Variants in PDZRN4 observed in about 807,000 individuals in gnomAD.
PDZRN4 encodes PDZ domain-containing RING finger protein 4.
A neutral mutation model predicts 99.0 loss-of-function variants in PDZRN4; 70 were observed. That is an observed-to-expected ratio of 0.71 (90% CI 0.58 to 0.86). The LOEUF (loss-of-function observed/expected upper bound fraction) is 0.86, where lower values mean the gene tolerates loss of function less well. PDZRN4 is among the 40% of genes least tolerant of loss of function. The probability of loss-of-function intolerance (pLI) is 0.00; values close to 1 mark genes in which losing one functional copy is unlikely to be tolerated. For missense variants in PDZRN4, 1,474 were observed against 1,331.2 expected, an observed-to-expected ratio of 1.11 and a Z score of -1.67; for synonymous variants, 551 against 501.6, an observed-to-expected ratio of 1.10 and a Z score of -1.32.
Position 41,489,674 on chromosome 12 carries a change from G to GT in PDZRN4, c.844-16767dup, listed in dbSNP as rs34309822. Among the ~76,000 whole-genome samples, 717 of 144,864 alleles carry GT rather than the reference G, an allele frequency of 4.9e-3. 2 individuals are homozygous for GT. Among genetic ancestry groups the GT allele is most frequent in the East Asian group, 5.6e-3 (28 of 4,968 alleles). On this transcript the variant is annotated intron_variant, in intron 3 of 9. Transcript: ENST00000402685. ...TTAAATATTTTACTGAGATTTCCAG[G>GT]TTTTTTTTTTTTTTTCCAAAAGAGA...
At chr12:41,200,768 A>C (rs1017061539) in intron 3 of PDZRN4, among the ~76,000 whole-genome samples, 2 of 152,130 alleles carry the variant, frequency 1.3e-5, no homozygotes, top group South Asian at 4.2e-4. Flanking sequence ...TCTTCCTTTC[A>C]ATCATCCTGG....
chr12:41,572,605 G>C lies in PDZRN4; in HGVS notation c.1826G>C (p.Gly609Ala). 6.2e-7 allele frequency: 1 copy of C among 1,614,158 alleles called. No homozygotes were observed. The highest frequency in any genetic ancestry group is 1.1e-5 in the South Asian group (1 of 91,086). Residue 609 changes from glycine (G) to alanine (A), a missense_variant, in exon 10 of 10, where the codon GGT becomes GCT. Physicochemically the swap from Gly to Ala is moderately conservative, Grantham distance 60 (BLOSUM62 0). Coordinates refer to ENST00000402685, the MANE Select transcript of PDZRN4 (RefSeq NM_001164595.2). Reference protein sequence around the residue: ...ELQYNESLVSGEYIDSDCIGN... With the variant: ...ELQYNESLVSAEYIDSDCIGN... ...CAGTACAATGAGAGCCTCGTATCTGGTGAATACATTGACTCAGACTGCATT... is the reference window on the plus strand; with the variant it reads ...CAGTACAATGAGAGCCTCGTATCTGCTGAATACATTGACTCAGACTGCATT...
chr12:41,547,436 G>C (rs890945579), intron 5 of PDZRN4, among the ~76,000 whole-genome samples: 5 of 152,016 alleles, frequency 3.3e-5, no homozygotes, highest in Non-Finnish European at 7.4e-5. Context: ...GACCAACCTG[G>C]CCAACATGGT....
intron 7 of PDZRN4, among the ~76,000 whole-genome samples, chr12:41,561,267 T>G (rs1592113251): frequency 6.6e-6 from 1 of 152,302 alleles, no homozygotes; most frequent in African/African-American, 2.4e-5. Flanking sequence ...ATTTGCTTTA[T>G]TTAGCACGAA....
chr12:41,301,996 A>G (rs980658833), intron 3 of PDZRN4, among the ~76,000 whole-genome samples: 24 of 152,120 alleles, frequency 1.6e-4, no homozygotes, highest in Admixed American at 1.5e-3. Flanking sequence ...ATAATATAGT[A>G]TTGGTTAAAT....
At chr12:41,437,691 G>T (rs778999751) in intron 3 of PDZRN4, 35 of 1,343,208 alleles carry the variant, frequency 2.6e-5, no homozygotes, top group Non-Finnish European at 3.1e-5. Flanking sequence ...AGACGGGGGA[G>T]TGTTGCCATG....
chr12:41,542,157 T>C (rs964415600), intron 5 of PDZRN4, among the ~76,000 whole-genome samples: 2 of 152,224 alleles, frequency 1.3e-5, no homozygotes, highest in African/African-American at 4.8e-5. Flanking sequence ...AAGAAGGTTG[T>C]TAACACTCTC....
At chr12:41,561,003 G>A (rs1939260536) in intron 7 of PDZRN4, among the ~76,000 whole-genome samples, 1 of 152,166 alleles carries the variant, frequency 6.6e-6, no homozygotes, top group Admixed American at 6.6e-5. Flanking sequence ...GAAGGTAGAA[G>A]TGTTTCTGCA....
chr12:41,565,153 C>T (rs964331911), intron 8 of PDZRN4, among the ~76,000 whole-genome samples: 1 of 152,070 alleles, frequency 6.6e-6, no homozygotes, highest in South Asian at 2.1e-4. Flanking sequence ...ACACTTCTGA[C>T]CTTTTTCTCC....
intron 3 of PDZRN4, among the ~76,000 whole-genome samples, chr12:41,415,746 A>G (rs1206141030): frequency 6.6e-6 from 1 of 152,066 alleles, no homozygotes; most frequent in Non-Finnish European, 1.5e-5. Flanking sequence ...CAACCTTAAC[A>G]TTGAGTTACA....
intron 3 of PDZRN4, among the ~76,000 whole-genome samples, chr12:41,233,402 C>T (rs4633522): frequency 0.67 from 101,564 of 151,908 alleles, 34,080 homozygotes; most frequent in South Asian, 0.73. Flanking sequence ...GATCGAGAAC[C>T]AGAAATACCA....
rs186556823 is a variant in PDZRN4 at position 41,235,125 on chromosome 12, A to G, written c.843+40937A>G. Among the ~76,000 whole-genome samples the G allele has an allele frequency of 1.5e-3, 224 of 152,274 alleles. 2 individuals carry two copies. The highest frequency in any genetic ancestry group is 2.3e-3 in the Non-Finnish European group (158 of 68,026). On this transcript the variant is annotated intron_variant, in intron 3 of 9. Coordinates refer to ENST00000402685, the MANE Select transcript of PDZRN4 (RefSeq NM_001164595.2). Reference sequence around the variant, plus strand: ...CGTCTGTCTTATCAATTATAAAGTAAGAATTAAAGAATACTGGTTTGGAGA... The same window carrying G: ...CGTCTGTCTTATCAATTATAAAGTAGGAATTAAAGAATACTGGTTTGGAGA...
intron 3 of PDZRN4, among the ~76,000 whole-genome samples, chr12:41,433,681 A>AT (rs1344372996): frequency 6.6e-6 from 1 of 152,228 alleles, no homozygotes; most frequent in Non-Finnish European, 1.5e-5. Context: ...TGCAAAAGGC[A>AT]TAAGCAAGCC....
At chr12:41,363,371 G>A (rs1295157236) in intron 3 of PDZRN4, among the ~76,000 whole-genome samples, 1 of 152,028 alleles carries the variant, frequency 6.6e-6, no homozygotes, top group African/African-American at 2.4e-5. Context: ...ATATGATAGT[G>A]ATTCCTTAAG....
At chr12:41,330,355 C>G (rs915455059) in intron 3 of PDZRN4, among the ~76,000 whole-genome samples, 1 of 152,026 alleles carries the variant, frequency 6.6e-6, no homozygotes, top group African/African-American at 2.4e-5. Flanking sequence ...AGCTCTTGAA[C>G]CACCTGACCT....
intron 5 of PDZRN4, among the ~76,000 whole-genome samples, chr12:41,537,056 G>A (rs570393930): frequency 1.3e-4 from 20 of 152,240 alleles, no homozygotes; most frequent in Non-Finnish European, 2.6e-4. Context: ...GTCCTAGCAG[G>A]CCCTTATACT....
At chr12:41,570,092 C>T (rs558672771) in intron 9 of PDZRN4, among the ~76,000 whole-genome samples, 10 of 152,090 alleles carry the variant, frequency 6.6e-5, no homozygotes, top group Admixed American at 4.6e-4. Context: ...CGGTGTCAAA[C>T]GCTGCCTACT....
intron 3 of PDZRN4, among the ~76,000 whole-genome samples, chr12:41,464,076 T>G (rs534271814): frequency 3.3e-5 from 5 of 152,136 alleles, no homozygotes; most frequent in Non-Finnish European, 7.3e-5. Flanking sequence ...GCCAGGAGAA[T>G]AGAATTCAGT....
chr12:41,363,536 C>T (rs12310536), intron 3 of PDZRN4, among the ~76,000 whole-genome samples: 1 of 152,020 alleles, frequency 6.6e-6, no homozygotes, highest in Non-Finnish European at 1.5e-5. Flanking sequence ...TGGGATGCAT[C>T]TGTTCCAGAT....
Sources: gnomAD v4.1 joint callset for allele counts (sites outside exome capture counted in the v4.1 genomes callset) on GRCh38, gnomAD v4.1.1 for gene constraint, MANE v1.5 for transcripts, NCBI Gene and HGNC (gene_info 2026-07-23, HGNC 2026-07-21) for gene names.